Variants in RAB3GAP2 observed in about 807,000 individuals in gnomAD.
RAB3GAP2 encodes the protein rab3 GTPase-activating protein non-catalytic subunit.
In RAB3GAP2, 87 loss-of-function variants were observed where a neutral mutation model predicts 185.3. That is an observed-to-expected ratio of 0.47 (90% confidence interval 0.39 to 0.56). The LOEUF (loss-of-function observed/expected upper bound fraction) is 0.56, where lower values mean the gene tolerates loss of function less well. RAB3GAP2 is among the 20% of genes least tolerant of loss of function. The probability of loss-of-function intolerance (pLI) is 0.00; values close to 1 mark genes in which losing one functional copy is unlikely to be tolerated. For synonymous variants in RAB3GAP2, 554 were observed against 576.1 expected, an observed-to-expected ratio of 0.96 and a Z score of 0.55; for missense variants, 1,492 against 1,638.2, an observed-to-expected ratio of 0.91 and a Z score of 1.54.
At chr1:220,247,756 A>C (rs1355444175) in intron 1 of RAB3GAP2, among the ~76,000 whole-genome samples, 1 of 152,210 alleles carries the variant, frequency 6.6e-6, no homozygotes, top group African/African-American at 2.4e-5. Flanking sequence ...TGAAATTTTA[A>C]GAAGCAGAAA....
chr1:220,258,998 T>TA (rs1660085269), intron 1 of RAB3GAP2, among the ~76,000 whole-genome samples: 1 of 152,006 alleles, frequency 6.6e-6, no homozygotes, highest in Non-Finnish European at 1.5e-5. Flanking sequence ...ACAAAAAGAA[T>TA]AAAATATCTA....
In RAB3GAP2 at chr1:220,171,871, ATACCTT is replaced by A. The variant is rs1658184198; in HGVS notation, c.2577+12_2577+17del. ...TACTGGATGTGTACAGATCAAAGCCATACCTTTACCCACTTACTTTTTTCTCTGTCA... is the reference window on the plus strand; with the variant it reads ...TACTGGATGTGTACAGATCAAAGCCATACCCACTTACTTTTTTCTCTGTCA... On this transcript the variant is annotated intron_variant, in intron 23 of 34. Coordinates refer to ENST00000358951, the MANE Select transcript of RAB3GAP2 (RefSeq NM_012414.4). 6.2e-7 allele frequency: 1 copy of A among 1,614,020 alleles called. No homozygotes were observed. Among genetic ancestry groups the A allele is most frequent in the Non-Finnish European group, 8.5e-7 (1 of 1,180,012 alleles).
chr1:220,257,983 G>GA (rs1558173506), intron 1 of RAB3GAP2, among the ~76,000 whole-genome samples: 1 of 152,020 alleles, frequency 6.6e-6, no homozygotes, highest in African/African-American at 2.4e-5. Flanking sequence ...AAATAAGGTA[G>GA]AAAATCTATA....
At chr1:220,181,239 A>T (rs374342920) in intron 21 of RAB3GAP2, among the ~76,000 whole-genome samples, 1 of 152,290 alleles carries the variant, frequency 6.6e-6, no homozygotes, top group East Asian at 1.9e-4. Context: ...CTCATGCCTC[A>T]GCCTCTTGAG....
chr1:220,243,076 T>C (rs1277324708), intron 1 of RAB3GAP2, among the ~76,000 whole-genome samples: 4 of 152,108 alleles, frequency 2.6e-5, no homozygotes, highest in Non-Finnish European at 4.4e-5. Flanking sequence ...TATAACAGGC[T>C]GGGCACGGCG....
intron 1 of RAB3GAP2, among the ~76,000 whole-genome samples, chr1:220,250,728 T>G (rs1163628089): frequency 6.6e-6 from 1 of 152,140 alleles, no homozygotes; most frequent in African/African-American, 2.4e-5. Context: ...ATGATAGTGA[T>G]AGTGCTGTTC....
At chr1:220,180,258 C>T (rs902425382) in intron 21 of RAB3GAP2, among the ~76,000 whole-genome samples, 21 of 151,872 alleles carry the variant, frequency 1.4e-4, no homozygotes, top group African/African-American at 4.1e-4. Context: ...ACTAGAAAAG[C>T]AAGAACCAAC....
chr1:220,216,066 AT>A (rs761664252), intron 2 of RAB3GAP2, among the ~76,000 whole-genome samples: 1 of 152,162 alleles, frequency 6.6e-6, no homozygotes, highest in Admixed American at 6.5e-5. Flanking sequence ...CACAAAAAAA[AT>A]ATGGGTTACA....
intron 2 of RAB3GAP2, among the ~76,000 whole-genome samples, chr1:220,225,010 C>G (rs1317525310): frequency 6.6e-6 from 1 of 152,184 alleles, no homozygotes; most frequent in Non-Finnish European, 1.5e-5. Context: ...AGACCAGAGG[C>G]CCCAATCACC....
chr1:220,168,074 G>A (rs989686469), intron 24 of RAB3GAP2, among the ~76,000 whole-genome samples: 1 of 151,972 alleles, frequency 6.6e-6, no homozygotes, highest in African/African-American at 2.4e-5. Context: ...AGGCTCCTAA[G>A]GCCAATATAA....
At chr1:220,197,071 C>T (rs949030044) in intron 9 of RAB3GAP2, among the ~76,000 whole-genome samples, 6 of 151,664 alleles carry the variant, frequency 4.0e-5, no homozygotes, top group Non-Finnish European at 8.8e-5. Flanking sequence ...ACTGCAACCT[C>T]TGCCTCCCAG....
rs1051030903 is a variant in RAB3GAP2 at position 220,190,318 on chromosome 1, C to T, written c.1631+59G>A. The stretch of plus-strand genomic sequence containing the variant: ...AACTACAAAAGAGAGTACAACAAAC[C>T]TAGGAACTAGGAAAAGTTAGCAGAG... On this transcript the variant is annotated intron_variant, in intron 15 of 34. Transcript: ENST00000358951. The T allele has an allele frequency of 3.1e-6, 5 of 1,608,610 alleles. No homozygotes were observed. In the East Asian group the frequency reaches 6.7e-5, roughly 22 times the overall value.
chr1:220,223,187 T>C (rs751570571), intron 2 of RAB3GAP2, among the ~76,000 whole-genome samples: 3 of 152,112 alleles, frequency 2.0e-5, no homozygotes, highest in African/African-American at 4.8e-5. Flanking sequence ...GGTGGGACTA[T>C]AGGCAGGCAC....
At chr1:220,231,528 T>TAA (rs146173963) in intron 2 of RAB3GAP2, among the ~76,000 whole-genome samples, 1 of 150,692 alleles carries the variant, frequency 6.6e-6, no homozygotes, top group Admixed American at 6.6e-5. Context: ...TCTTCTTTCT[T>TAA]AAAAAAAAAA....
intron 12 of RAB3GAP2, among the ~76,000 whole-genome samples, chr1:220,193,904 A>C (rs928261248): frequency 1.3e-5 from 2 of 152,196 alleles, no homozygotes; most frequent in South Asian, 4.1e-4. Context: ...GAAGTACTAA[A>C]AGAGAACTAG....
At chr1:220,214,384 G>T (rs1659144495) in intron 2 of RAB3GAP2, among the ~76,000 whole-genome samples, 1 of 152,110 alleles carries the variant, frequency 6.6e-6, no homozygotes, top group Admixed American at 6.5e-5. Flanking sequence ...AAATTAGCCA[G>T]GTGTGGCGGC....
Position 220,191,159 on chromosome 1 carries a change from C to G in RAB3GAP2, c.1396G>C (p.Val466Leu), listed in dbSNP as rs753527336. 4 of 1,614,052 alleles carry G rather than the reference C, an allele frequency of 2.5e-6. No individual in the cohort carries two copies. In the South Asian group the frequency reaches 3.3e-5, roughly 13 times the overall value. The change falls in exon 14 of 35, where the codon GTG (valine) becomes CTG (leucine). Residue 466 changes from valine to leucine, a missense_variant. By Grantham distance (32) the Val-to-Leu change is conservative. Around this residue, in one of 5 missense-constraint regions of RAB3GAP2, gnomAD observed 681 missense variants for 689.1 expected, o/e 0.99. Transcript: ENST00000358951. ...QGPSRVAQFLVIYAPRRGILE... is the reference protein window; with the variant it reads ...QGPSRVAQFLLIYAPRRGILE... Reference sequence around the variant, plus strand: ...ATTCCCCTTCTTGGCGCATAGATCACAAGGAATTGAGCTACTCGACTTGGA... The same window carrying G: ...ATTCCCCTTCTTGGCGCATAGATCAGAAGGAATTGAGCTACTCGACTTGGA...
intron 27 of RAB3GAP2, among the ~76,000 whole-genome samples, chr1:220,163,748 T>C (rs111292709): frequency 7.8e-4 from 51 of 65,576 alleles, no homozygotes; most frequent in South Asian, 2.0e-3. Flanking sequence ...TACATACATA[T>C]ATATATATAT....
chr1:220,168,815 T>C (rs1658120921), intron 24 of RAB3GAP2, among the ~76,000 whole-genome samples: 2 of 152,234 alleles, frequency 1.3e-5, no homozygotes, highest in Admixed American at 1.3e-4. Context: ...CAAAAAATTG[T>C]AAACACGCTG....
Sources: allele counts gnomAD v4.1 joint callset (sites outside exome capture counted in the v4.1 genomes callset), GRCh38; gene constraint gnomAD v4.1.1; regional missense constraint gnomAD v4.1.1; transcripts MANE v1.5; gene names NCBI Gene and HGNC (gene_info 2026-07-23, HGNC 2026-07-21).